The following EXOC4 variants were observed in gnomAD, a reference collection of about 807,000 sequenced individuals.
EXOC4 encodes SEC8-like 1.
Under a neutral mutation model 107.2 loss-of-function variants are expected in EXOC4, and 71 were observed. That is an observed-to-expected ratio of 0.66 (90% CI 0.55 to 0.81). The LOEUF (loss-of-function observed/expected upper bound fraction) is 0.81. EXOC4 is among the 30% of genes least tolerant of loss of function. The probability of loss-of-function intolerance (pLI) is 0.00; values close to 1 mark genes in which losing one functional copy is unlikely to be tolerated. For synonymous variants in EXOC4, 456 were observed against 441.2 expected, an observed-to-expected ratio of 1.03 and a Z score of -0.42; for missense variants, 1,108 against 1,189.6, an observed-to-expected ratio of 0.93 and a Z score of 1.01.
intron 9 of EXOC4, among the ~76,000 whole-genome samples, chr7:133,516,010 C>G (rs1366312344): frequency 6.6e-6 from 1 of 152,150 alleles, no homozygotes; most frequent in Non-Finnish European, 1.5e-5. Flanking sequence ...ATCTGTGTAT[C>G]TGCGAATTGA....
the EXOC4 span, among the ~76,000 whole-genome samples, chr7:134,077,861 G>A: frequency 1.3e-5 from 2 of 152,220 alleles, no homozygotes; most frequent in Non-Finnish European, 2.9e-5. Flanking sequence ...GTACTTCTTA[G>A]ATAAAACAGA....
At chr7:133,596,182 G>A (rs112684040) in intron 9 of EXOC4, among the ~76,000 whole-genome samples, 1 of 152,088 alleles carries the variant, frequency 6.6e-6, no homozygotes, top group African/African-American at 2.4e-5. Context: ...AGATTTCTTT[G>A]TTGCTATTTA....
At chr7:133,700,227 C>A (rs946261140) in intron 10 of EXOC4, among the ~76,000 whole-genome samples, 2 of 152,014 alleles carry the variant, frequency 1.3e-5, no homozygotes, top group African/African-American at 4.8e-5. Flanking sequence ...TGCATAGTAC[C>A]AAAGAGATTG....
chr7:133,475,452 G>C lies in EXOC4; in HGVS notation c.1307G>C (p.Arg436Thr). The change falls in exon 8 of 18, where the codon AGG (arginine) becomes ACG (threonine). Residue 436 changes from arginine (R) to threonine (T), a missense_variant. Arg to Thr is a moderately conservative substitution (Grantham distance 71). Transcript: ENST00000253861. ...AAFFAKKKPQ[R>T]PKNSLFKFES... ...TTTTTTGCCAAGAAGAAACCTCAAA[G>C]GCCAAAAAATTCTCTTTTCAAGTAA... is the stretch of plus-strand genomic sequence containing the variant. 6.2e-7 allele frequency: 1 copy of C among 1,613,540 alleles called. No individual in the cohort carries two copies.
intron 5 of EXOC4, among the ~76,000 whole-genome samples, chr7:133,344,501 A>T (rs1192121280): frequency 6.6e-6 from 1 of 152,160 alleles, no homozygotes; most frequent in African/African-American, 2.4e-5. Context: ...TTTTGGTAGC[A>T]TCGGAAGGTT....
At chr7:133,623,224 A>T (rs1224914570) in intron 9 of EXOC4, among the ~76,000 whole-genome samples, 1 of 152,204 alleles carries the variant, frequency 6.6e-6, no homozygotes, top group Non-Finnish European at 1.5e-5. Context: ...ATAAAATATA[A>T]TTGAGCACAA....
At chr7:133,340,169 A>G (rs1373864995) in intron 5 of EXOC4, among the ~76,000 whole-genome samples, 2 of 152,084 alleles carry the variant, frequency 1.3e-5, no homozygotes, top group African/African-American at 2.4e-5. Flanking sequence ...CTTTTATTAC[A>G]TTAAGGCATT....
intron 17 of EXOC4, among the ~76,000 whole-genome samples, chr7:134,049,051 A>T (rs1190538881): frequency 2.0e-5 from 3 of 152,142 alleles, no homozygotes; most frequent in Non-Finnish European, 1.5e-5. Context: ...GTGTATGTAA[A>T]CTGAAACTGA....
At chr7:133,548,332 C>T (rs909157642) in intron 9 of EXOC4, among the ~76,000 whole-genome samples, 11 of 152,048 alleles carry the variant, frequency 7.2e-5, no homozygotes, top group African/African-American at 2.4e-4. Flanking sequence ...TTCTTGGGGG[C>T]CCTAGGATTT....
At chr7:133,814,063 A>G (rs1563009539) in intron 10 of EXOC4, among the ~76,000 whole-genome samples, 1 of 152,240 alleles carries the variant, frequency 6.6e-6, no homozygotes, top group Non-Finnish European at 1.5e-5. Context: ...AGTAGCTAAT[A>G]CATTAACAGT....
At chr7:133,423,460 C>T (rs1404654552) in intron 7 of EXOC4, among the ~76,000 whole-genome samples, 1 of 152,194 alleles carries the variant, frequency 6.6e-6, no homozygotes, top group Admixed American at 6.5e-5. Context: ...CATCACTTTG[C>T]TCATTTGGTG....
chr7:133,482,595 A>G (rs1799182711), intron 9 of EXOC4, among the ~76,000 whole-genome samples: 2 of 152,076 alleles, frequency 1.3e-5, no homozygotes, highest in Non-Finnish European at 2.9e-5. Context: ...AGTCACCTCC[A>G]TTTAGATACC....
intron 10 of EXOC4, among the ~76,000 whole-genome samples, chr7:133,798,011 G>A (rs1796852457): frequency 6.6e-6 from 1 of 152,158 alleles, no homozygotes; most frequent in Non-Finnish European, 1.5e-5. Flanking sequence ...TGATGTATGT[G>A]CTGGCACCCT....
intron 5 of EXOC4, among the ~76,000 whole-genome samples, chr7:133,333,144 G>A (rs567417389): frequency 1.3e-5 from 2 of 152,120 alleles, no homozygotes; most frequent in East Asian, 1.9e-4. Context: ...GAAGAGCTGT[G>A]TCTTCTTCAT....
At chr7:133,880,632 A>C (rs1798945931) in intron 11 of EXOC4, among the ~76,000 whole-genome samples, 1 of 152,188 alleles carries the variant, frequency 6.6e-6, no homozygotes, top group South Asian at 2.1e-4. Context: ...TGGTCTAATT[A>C]AGCACAACTG....
chr7:133,429,861 C>T (rs190581332), intron 7 of EXOC4, among the ~76,000 whole-genome samples: 8 of 152,280 alleles, frequency 5.3e-5, no homozygotes, highest in African/African-American at 1.7e-4. Context: ...GGGGTGTGGC[C>T]CACTTACTGG....
chr7:133,441,363 T>C (rs1452548564), intron 7 of EXOC4, among the ~76,000 whole-genome samples: 12 of 152,122 alleles, frequency 7.9e-5, no homozygotes, highest in Admixed American at 7.2e-4. Flanking sequence ...TTCAGTTGCA[T>C]ATTTTATGGA....
intron 5 of EXOC4, among the ~76,000 whole-genome samples, chr7:133,352,370 G>A (rs1181146067): frequency 1.3e-5 from 2 of 151,836 alleles, no homozygotes; most frequent in Admixed American, 6.6e-5. Context: ...TGTTTATAAT[G>A]GTTATATCTT....
At chr7:133,412,886 G>A (rs1459135199) in intron 7 of EXOC4, among the ~76,000 whole-genome samples, 1 of 152,034 alleles carries the variant, frequency 6.6e-6, no homozygotes, top group African/African-American at 2.4e-5. Flanking sequence ...CAAAATAGTG[G>A]TTTAATGGCA....
Sources: gnomAD v4.1 joint callset for allele counts (sites outside exome capture counted in the v4.1 genomes callset) on GRCh38, gnomAD v4.1.1 for gene constraint, MANE v1.5 for transcripts, NCBI Gene and HGNC (gene_info 2026-07-23, HGNC 2026-07-21) for gene names.